Variants in DSCAM observed in about 807,000 individuals in gnomAD.
DSCAM encodes the protein cell adhesion molecule DSCAM.
In DSCAM, 47 loss-of-function variants were observed where a neutral mutation model predicts 217.7. That is an observed-to-expected ratio of 0.22 (90% CI 0.17 to 0.28). DSCAM has a LOEUF of 0.28. DSCAM is among the 10% of genes least tolerant of loss of function. The pLI is 1.00. For missense variants in DSCAM, 2,080 were observed against 2,618.3 expected, an observed-to-expected ratio of 0.79 and a Z score of 4.49; for synonymous variants, 1,056 against 1,015.3, an observed-to-expected ratio of 1.04 and a Z score of -0.76.
chr21:40,524,395 ATAAAG>A (rs1397831752), intron 3 of DSCAM, among the ~76,000 whole-genome samples: 2 of 151,994 alleles, frequency 1.3e-5, no homozygotes, highest in East Asian at 1.9e-4. Context: ...TCTTTGCTTG[ATAAAG>A]TAATTTAAAA....
intron 3 of DSCAM, among the ~76,000 whole-genome samples, chr21:40,663,163 T>C (rs1290906480): frequency 6.7e-6 from 1 of 148,990 alleles, no homozygotes; most frequent in East Asian, 2.0e-4. Flanking sequence ...AGTGTATGTA[T>C]GTCAGTGTGT....
chr21:40,597,743 C>T (rs1234372661), intron 3 of DSCAM, among the ~76,000 whole-genome samples: 1 of 152,026 alleles, frequency 6.6e-6, no homozygotes, highest in Non-Finnish European at 1.5e-5. Context: ...AACTCCTGAC[C>T]TCAGGTGATC....
At chr21:40,209,505 C>T (rs1258217572) in intron 11 of DSCAM, among the ~76,000 whole-genome samples, 1 of 152,182 alleles carries the variant, frequency 6.6e-6, no homozygotes, top group East Asian at 1.9e-4. Flanking sequence ...ACCACTCTCT[C>T]CTGAGCTGCT....
chr21:40,474,319 A>G (rs960420503), intron 3 of DSCAM, among the ~76,000 whole-genome samples: 12 of 151,790 alleles, frequency 7.9e-5, no homozygotes, highest in African/African-American at 2.9e-4. Flanking sequence ...AAATATTAAA[A>G]AAAAACACAA....
intron 11 of DSCAM, among the ~76,000 whole-genome samples, chr21:40,274,203 C>A (rs1295145861): frequency 6.6e-6 from 1 of 152,152 alleles, no homozygotes; most frequent in Non-Finnish European, 1.5e-5. Flanking sequence ...CACTGAGTAC[C>A]GAGATCTGGA....
intron 3 of DSCAM, among the ~76,000 whole-genome samples, chr21:40,586,008 C>A (rs551627167): frequency 6.6e-6 from 1 of 152,304 alleles, no homozygotes; most frequent in South Asian, 2.1e-4. Flanking sequence ...AGGTGCCCAC[C>A]ACCACACCCA....
intron 3 of DSCAM, among the ~76,000 whole-genome samples, chr21:40,609,446 TTTTGCCTGGCTTTCTGTCTCC>T (rs1281552544): frequency 6.6e-6 from 1 of 152,234 alleles, no homozygotes; most frequent in African/African-American, 2.4e-5. Flanking sequence ...TTTCATTATG[TTTTGCCTGGCTTTCTGTCTCC>T]TTTGCCTGGC....
At chr21:40,356,538 A>C (rs2074695309) in intron 4 of DSCAM, among the ~76,000 whole-genome samples, 1 of 152,172 alleles carries the variant, frequency 6.6e-6, no homozygotes, top group South Asian at 2.1e-4. Flanking sequence ...GATTTGTAGG[A>C]AATTCTGCTT....
At chr21:40,215,381 C>T (rs1331610264) in intron 11 of DSCAM, among the ~76,000 whole-genome samples, 1 of 148,538 alleles carries the variant, frequency 6.7e-6, no homozygotes, top group Admixed American at 6.7e-5. Flanking sequence ...CCTAAAATAA[C>T]AGTTGGAAAG....
chr21:40,609,120 A>AT (rs1362574230), intron 3 of DSCAM, among the ~76,000 whole-genome samples: 2 of 151,904 alleles, frequency 1.3e-5, no homozygotes, highest in Admixed American at 6.6e-5. Flanking sequence ...ATGACCAGCT[A>AT]TTTTTTGTAT....
chr21:40,775,323 CTTAATG>C (rs1046451416), intron 1 of DSCAM, among the ~76,000 whole-genome samples: 8 of 152,114 alleles, frequency 5.3e-5, no homozygotes, highest in African/African-American at 1.9e-4. Flanking sequence ...CACCAGTGGA[CTTAATG>C]TTAGGTGTTA....
At chr21:40,483,253 A>T (rs529843832) in intron 3 of DSCAM, among the ~76,000 whole-genome samples, 1 of 152,350 alleles carries the variant, frequency 6.6e-6, no homozygotes, top group East Asian at 1.9e-4. Flanking sequence ...AAATTTCCAG[A>T]AGTCTTTCAC....
At chr21:40,496,709 T>C (rs1328116840) in intron 3 of DSCAM, among the ~76,000 whole-genome samples, 5 of 151,894 alleles carry the variant, frequency 3.3e-5, no homozygotes, top group Non-Finnish European at 4.4e-5. Context: ...AGAGAACCTA[T>C]GGAATAAGAG....
chr21:40,358,635 C>T (rs751969259), intron 4 of DSCAM, among the ~76,000 whole-genome samples: 4 of 151,814 alleles, frequency 2.6e-5, no homozygotes, highest in South Asian at 2.1e-4. Context: ...GGTGGAACCC[C>T]GTCTCTACTA....
In DSCAM at chr21:40,142,617, G is replaced by T. The variant is rs978716630; in HGVS notation, c.3347C>A (p.Ala1116Asp). The change falls in exon 18 of 33, where the codon GCC (alanine) becomes GAC (aspartate). Residue 1116 changes from alanine (A) to aspartate (D), a missense_variant. Around this residue, in one of 5 missense-constraint regions of DSCAM, gnomAD observed 1,144 missense variants for 1,421.1 expected, o/e 0.81. Transcript: ENST00000400454. ...GAACCCCTGGAGAATTCCATTCAAG[G>T]CTTCCTTGGAAAGTGTGGACCAGGA... ...SISWSTLSKE[A>D]LNGILQGFRV... 1 of 1,614,154 alleles carries T rather than the reference G, an allele frequency of 6.2e-7. No homozygotes were observed. The highest frequency in any genetic ancestry group is 1.1e-5 in the South Asian group (1 of 91,068).
At chr21:40,823,165 C>G (rs1203116592) in intron 1 of DSCAM, among the ~76,000 whole-genome samples, 1 of 140,822 alleles carries the variant, frequency 7.1e-6, no homozygotes, top group African/African-American at 2.6e-5. Flanking sequence ...CACCGCCCCC[C>G]CAAAAAAGAA....
chr21:40,219,050 T>G (rs1212394199), intron 11 of DSCAM, among the ~76,000 whole-genome samples: 5 of 152,232 alleles, frequency 3.3e-5, no homozygotes, highest in Non-Finnish European at 4.4e-5. Context: ...CCTCGTCTTG[T>G]GCCGGTTTTT....
intron 3 of DSCAM, among the ~76,000 whole-genome samples, chr21:40,433,065 C>T (rs938139745): frequency 3.9e-5 from 6 of 151,978 alleles, no homozygotes; most frequent in African/African-American, 1.4e-4. Flanking sequence ...CATTAATATA[C>T]CTGTCAAAAT....
At chr21:40,563,013 G>C (rs372482741) in intron 3 of DSCAM, among the ~76,000 whole-genome samples, 1 of 152,114 alleles carries the variant, frequency 6.6e-6, no homozygotes, top group Non-Finnish European at 1.5e-5. Context: ...TGCAGAATTT[G>C]GCTGATAGAG....
Sources: allele counts gnomAD v4.1 joint callset (sites outside exome capture counted in the v4.1 genomes callset), GRCh38; gene constraint gnomAD v4.1.1; regional missense constraint gnomAD v4.1.1; transcripts MANE v1.5; gene names NCBI Gene and HGNC (gene_info 2026-07-23, HGNC 2026-07-21).